The following CHSY1 variants were observed in gnomAD, a reference collection of about 807,000 sequenced individuals.
The protein encoded by CHSY1 is N-acetylgalactosaminyl-proteoglycan 3-beta-glucuronosyltransferase 1.
CHSY1 carries 13 observed loss-of-function variants against 59.8 expected under a neutral mutation model. That is an observed-to-expected ratio of 0.22 (90% CI 0.14 to 0.35). CHSY1 has a LOEUF of 0.35. Among genes scored for constraint, CHSY1 ranks in the 10% least tolerant of loss-of-function variants. The pLI is 1.00. For synonymous variants in CHSY1, 459 were observed against 401.2 expected (o/e 1.14, Z -1.72); for missense variants, 947 against 1,030.6 (o/e 0.92, Z 1.11).
In CHSY1 at chr15:101,176,441, T is replaced by C. The variant is rs983652952; in HGVS notation, c.*947A>G. 1.0e-5 allele frequency: 4 copies of C among 398,440 alleles called. No individual in the cohort carries two copies. Among genetic ancestry groups the C allele is most frequent in the African/African-American group, 2.1e-5 (1 of 48,622 alleles). 24.7% of individuals were successfully genotyped at this position (398,440 alleles called of 1,614,324 possible). ...TCATCTTTGTCATTCTAAACATTAA[T>C]ATTTTACCCTTTAAAGAGAAGGGTC... On this transcript the variant is annotated 3_prime_UTR_variant, in exon 3 of 3. Coordinates refer to ENST00000254190, the MANE Select transcript of CHSY1 (RefSeq NM_014918.5).
At chr15:101,248,029 A>G (rs2039068108) in intron 1 of CHSY1, among the ~76,000 whole-genome samples, 1 of 152,144 alleles carries the variant, frequency 6.6e-6, no homozygotes, top group African/African-American at 2.4e-5. Flanking sequence ...TATAAGCCAA[A>G]CAACAGTTGT....
chr15:101,226,103 T>C (rs1184154024), intron 2 of CHSY1, among the ~76,000 whole-genome samples: 1 of 152,178 alleles, frequency 6.6e-6, no homozygotes, highest in African/African-American at 2.4e-5. Context: ...TCTGTCAAAA[T>C]AGTCTTCCCT....
At chr15:101,193,098 C>T (rs1040550514) in intron 2 of CHSY1, among the ~76,000 whole-genome samples, 1 of 152,240 alleles carries the variant, frequency 6.6e-6, no homozygotes, top group Non-Finnish European at 1.5e-5. Context: ...CTAGTTTGTG[C>T]GTTCAGCAAC....
chr15:101,225,625 C>T (rs1240749602), intron 2 of CHSY1, among the ~76,000 whole-genome samples: 2 of 152,146 alleles, frequency 1.3e-5, no homozygotes, highest in Admixed American at 6.5e-5. Flanking sequence ...CTTGCTCCCA[C>T]TTGTGCCATG....
intron 2 of CHSY1, among the ~76,000 whole-genome samples, chr15:101,205,848 G>GA (rs2038619956): frequency 6.6e-6 from 1 of 152,006 alleles, no homozygotes; most frequent in South Asian, 2.1e-4. Flanking sequence ...CTACTCAGGG[G>GA]GGCTGAGGCA....
intron 2 of CHSY1, chr15:101,188,209 A>AC: frequency 1.0e-6 from 1 of 985,264 alleles, no homozygotes; most frequent in Non-Finnish European, 1.2e-6. Context: ...TGGTTTTCTC[A>AC]CCCTTTTGTC....
rs1596442918 is a variant in CHSY1 at position 101,208,659 on chromosome 15, A to T, written c.816+26423T>A. On this transcript the variant is annotated intron_variant, in intron 2 of 2. Transcript: ENST00000254190. The stretch of plus-strand genomic sequence containing the variant: ...ACCCAGGAGGCGGAGGTTGCAGTGA[A>T]CCGAGATCGTGCCACTGCACTCCAG... Among the ~76,000 whole-genome samples the T allele has an allele frequency of 2.0e-5, 3 of 148,958 alleles. No homozygotes were observed. The Admixed American group carries it at 2.0e-4, about 10-fold the overall frequency.
intron 2 of CHSY1, among the ~76,000 whole-genome samples, chr15:101,186,090 C>G (rs1412510454): frequency 6.7e-6 from 1 of 149,408 alleles, no homozygotes; most frequent in East Asian, 2.0e-4. Context: ...TGGCTCATGC[C>G]TGCAACCCCA....
At chr15:101,236,205 G>A (rs1428917654) in intron 1 of CHSY1, among the ~76,000 whole-genome samples, 3 of 152,184 alleles carry the variant, frequency 2.0e-5, no homozygotes, top group South Asian at 2.1e-4. Flanking sequence ...TGCAGGGCAC[G>A]AGAGCGCTGT....
chr15:101,211,050 A>T (rs562718977), intron 2 of CHSY1, among the ~76,000 whole-genome samples: 14 of 152,238 alleles, frequency 9.2e-5, no homozygotes, highest in Non-Finnish European at 1.8e-4. Context: ...TAGGCTGGGC[A>T]CAGTGGCTCA....
intron 2 of CHSY1, among the ~76,000 whole-genome samples, chr15:101,222,746 A>C (rs555355282): frequency 2.0e-5 from 3 of 152,136 alleles, no homozygotes. Flanking sequence ...GATTTGGGGA[A>C]GACTATGCAG....
intron 2 of CHSY1, among the ~76,000 whole-genome samples, chr15:101,218,530 G>A (rs1194963341): frequency 2.0e-5 from 3 of 152,176 alleles, no homozygotes; most frequent in Admixed American, 6.5e-5. Flanking sequence ...CAGGAGAATC[G>A]CTTGAACCTG....
chr15:101,225,427 G>A (rs923998507), intron 2 of CHSY1, among the ~76,000 whole-genome samples: 3 of 152,156 alleles, frequency 2.0e-5, no homozygotes, highest in Non-Finnish European at 4.4e-5. Flanking sequence ...CGTTGATATA[G>A]TTTGGATACT....
chr15:101,185,899 C>G (rs1391491896), intron 2 of CHSY1, among the ~76,000 whole-genome samples: 1 of 151,882 alleles, frequency 6.6e-6, no homozygotes, highest in Non-Finnish European at 1.5e-5. Context: ...ACGCCTACAT[C>G]TCCAACCATC....
chr15:101,179,025 T>C (rs750261264), intron 2 of CHSY1, 45 bp from the exon 3 acceptor site: 5 of 1,580,016 alleles, frequency 3.2e-6, no homozygotes, highest in South Asian at 2.2e-5. Flanking sequence ...TATTGTATGA[T>C]TGAGTGCCAG....
At chr15:101,195,032 C>T (rs1361171867) in intron 2 of CHSY1, among the ~76,000 whole-genome samples, 1 of 152,150 alleles carries the variant, frequency 6.6e-6, no homozygotes, top group East Asian at 1.9e-4. Flanking sequence ...TAAGCTCGCC[C>T]ATAACCCACG....
chr15:101,179,165 A>C (rs910933948), intron 2 of CHSY1, among the ~76,000 whole-genome samples, 185 bp from the exon 3 acceptor site: 1 of 152,362 alleles, frequency 6.6e-6, no homozygotes, highest in Non-Finnish European at 1.5e-5. Context: ...AAACTGCTTA[A>C]GGAAGTAAGG....
chr15:101,250,225 T>C (rs1466147365), intron 1 of CHSY1, among the ~76,000 whole-genome samples: 2 of 152,252 alleles, frequency 1.3e-5, no homozygotes, highest in Non-Finnish European at 1.5e-5. Context: ...TGTGGCTGGA[T>C]AAGACCCAAA....
At chr15:101,231,096 C>T (rs1182481347) in intron 2 of CHSY1, among the ~76,000 whole-genome samples, 1 of 151,874 alleles carries the variant, frequency 6.6e-6, no homozygotes, top group Admixed American at 6.6e-5. Flanking sequence ...GTGGAGGGGA[C>T]AGGAGCTAGG....
Sources: gnomAD v4.1 joint callset for allele counts (sites outside exome capture counted in the v4.1 genomes callset) on GRCh38, gnomAD v4.1.1 for gene constraint, MANE v1.5 for transcripts, NCBI Gene and HGNC (gene_info 2026-07-23, HGNC 2026-07-21) for gene names.